CYSTM1: variants seen among roughly 807,000 people sequenced by gnomAD.
The protein encoded by CYSTM1 is cysteine rich transmembrane module containing 1, also known as cysteine-rich transmembrane module-containing protein 1.
A neutral mutation model predicts 13.1 loss-of-function variants in CYSTM1; 4 were observed. The ratio of observed to expected loss-of-function variants is 0.31; its 90% CI spans 0.15 to 0.70. CYSTM1 has a LOEUF of 0.70. Among genes scored for constraint, CYSTM1 ranks in the 30% least tolerant of loss-of-function variants. The pLI, the probability that CYSTM1 is intolerant of heterozygous loss-of-function variation, is 0.72. For synonymous variants in CYSTM1, 36 were observed against 42.7 expected, an observed-to-expected ratio of 0.84 and a Z score of 0.62; for missense variants, 96 against 121.6, an observed-to-expected ratio of 0.79 and a Z score of 0.99.
chr5:140,194,560 G>A lies in CYSTM1; in HGVS notation c.95G>A (p.Gly32Glu). The change falls in exon 2 of 3, where the codon GGG becomes GAG. Residue 32 changes from glycine to glutamate, a missense_variant. Transcript: ENST00000261811. ...CAACCAATGGGTCCAGGACCTATGG[G>A]GGGACCCTACCCACCTCCTCAAGGG... ...PPQPMGPGPMGGPYPPPQGYP... is the reference protein window; with the variant it reads ...PPQPMGPGPMEGPYPPPQGYP... 6.2e-7 allele frequency: 1 copy of A among 1,613,672 alleles called. No individual in the cohort carries two copies. Among genetic ancestry groups the A allele is most frequent in the South Asian group, 1.1e-5 (1 of 91,040 alleles).
intron 2 of CYSTM1, among the ~76,000 whole-genome samples, chr5:140,213,216 C>T (rs983150459): frequency 2.3e-4 from 35 of 150,166 alleles, no homozygotes; most frequent in African/African-American, 7.1e-4. Context: ...CTTCTGTAGA[C>T]GTAGGCTAAT....
Position 140,243,528 on chromosome 5 carries a change from A to G in CYSTM1, c.*117A>G. On this transcript the variant is annotated 3_prime_UTR_variant, in exon 3 of 3. Transcript: ENST00000261811. ...TGACTAGCTTTGCACAGACACCTCT[A>G]CCTTCAGCACTATGGGATTCTAGAT... 2.8e-6 allele frequency: 2 copies of G among 710,776 alleles called. No homozygotes were observed. Among genetic ancestry groups the G allele is most frequent in the Non-Finnish European group, 4.6e-6 (2 of 431,814 alleles). 44.0% of individuals were successfully genotyped at this position (710,776 alleles called of 1,614,324 possible).
At chr5:140,206,685 T>C (rs905072276) in intron 2 of CYSTM1, among the ~76,000 whole-genome samples, 4 of 152,166 alleles carry the variant, frequency 2.6e-5, no homozygotes, top group African/African-American at 9.7e-5. Context: ...GGCTGGAGTA[T>C]AGTGGCATAA....
chr5:140,234,285 C>T (rs547324705), intron 2 of CYSTM1, among the ~76,000 whole-genome samples: 1 of 152,320 alleles, frequency 6.6e-6, no homozygotes, highest in Non-Finnish European at 1.5e-5. Flanking sequence ...TTATTGTCTT[C>T]TTCATTCCAT....
intron 1 of CYSTM1, 75 bp from the exon 2 acceptor site, chr5:140,194,371 C>G (rs1435310229): frequency 7.3e-7 from 1 of 1,366,826 alleles, no homozygotes; most frequent in Non-Finnish European, 9.8e-7. Flanking sequence ...TGTAAATGAT[C>G]TTATGGGTTA....
intron 1 of CYSTM1, among the ~76,000 whole-genome samples, chr5:140,183,623 G>C (rs37354): frequency 0.76 from 115,975 of 152,184 alleles, 44,519 homozygotes; most frequent in African/African-American, 0.82. Flanking sequence ...GCTCCTCCCC[G>C]ATATGGGGGT....
chr5:140,199,755 G>A (rs922572147), intron 2 of CYSTM1, among the ~76,000 whole-genome samples: 23 of 152,196 alleles, frequency 1.5e-4, no homozygotes, highest in African/African-American at 5.3e-4. Flanking sequence ...CCAAAGTGCT[G>A]GGATTACATG....
At chr5:140,241,034 T>G (rs967789271) in intron 2 of CYSTM1, among the ~76,000 whole-genome samples, 9 of 152,210 alleles carry the variant, frequency 5.9e-5, no homozygotes, top group Admixed American at 5.2e-4. Context: ...CACAGCCCTC[T>G]GGTTTGAAGT....
intron 2 of CYSTM1, among the ~76,000 whole-genome samples, chr5:140,213,118 A>C (rs1211734270): frequency 6.6e-6 from 1 of 150,996 alleles, no homozygotes; most frequent in Non-Finnish European, 1.5e-5. Context: ...AAGTCATTAG[A>C]GATGAGCTCC....
At chr5:140,178,220 C>T (rs1253693164) in intron 1 of CYSTM1, among the ~76,000 whole-genome samples, 1 of 152,146 alleles carries the variant, frequency 6.6e-6, no homozygotes, top group Non-Finnish European at 1.5e-5. Flanking sequence ...GAGCAGGGCA[C>T]TCCTTTCTTG....
At chr5:140,189,777 C>T (rs954969339) in intron 1 of CYSTM1, among the ~76,000 whole-genome samples, 6 of 152,146 alleles carry the variant, frequency 3.9e-5, no homozygotes, top group African/African-American at 1.4e-4. Flanking sequence ...GACTTACACA[C>T]TTGTTTCACT....
At chr5:140,202,454 T>A (rs1057145811) in intron 2 of CYSTM1, 1 of 152,200 alleles carries the variant, frequency 6.6e-6, no homozygotes, top group African/African-American at 2.4e-5. Context: ...TATGTTTTGG[T>A]TATCTATTGT....
chr5:140,189,279 T>G (rs1764061220), intron 1 of CYSTM1, among the ~76,000 whole-genome samples: 1 of 152,122 alleles, frequency 6.6e-6, no homozygotes, highest in Admixed American at 6.5e-5. Context: ...ACTCTATTAG[T>G]CAAGTGAGAT....
rs1345886159 is a variant in CYSTM1, at chr5:140,219,821, T to A, written c.188-23484T>A. On this transcript the variant is annotated intron_variant, in intron 2 of 2. Transcript: ENST00000261811. The surrounding 1 kb of genome is among the most constrained non-coding windows in gnomAD (Gnocchi z 4.1). ...CTCCTGGGCCAGCACTCAATGTGAA[T>A]CAGGCTAACATTGACGATAACAGAG... Among the ~76,000 whole-genome samples the A allele has an allele frequency of 2.6e-5, 4 of 152,204 alleles. No homozygotes were observed. The highest frequency in any genetic ancestry group is 5.9e-5 in the Non-Finnish European group (4 of 68,036).
At chr5:140,208,601 A>G (rs1261209448) in intron 2 of CYSTM1, among the ~76,000 whole-genome samples, 4 of 152,246 alleles carry the variant, frequency 2.6e-5, no homozygotes, top group African/African-American at 9.6e-5. Flanking sequence ...TGTTTGTAAC[A>G]CAAAGGATAA....
chr5:140,230,701 T>G lies in CYSTM1; in HGVS notation c.188-12604T>G, dbSNP rs893180342. Among the ~76,000 whole-genome samples the G allele has an allele frequency of 1.3e-5, 2 of 152,234 alleles. No homozygotes were observed. Among genetic ancestry groups the G allele is most frequent in the African/African-American group, 4.8e-5 (2 of 41,462 alleles). ...CTCATAAGCAGAGGCGTTTCAGTGT[T>G]TCAGCAAGTTGTTTCTTGACTGCCA... On this transcript the variant is annotated intron_variant, in intron 2 of 2. Coordinates refer to ENST00000261811, the MANE Select transcript of CYSTM1 (RefSeq NM_032412.4). This position sits in a 1 kb window ranked among gnomAD's most constrained non-coding sequence, Gnocchi z 4.1.
intron 2 of CYSTM1, among the ~76,000 whole-genome samples, chr5:140,213,000 TATATATATATGA>T (rs1276289249): frequency 2.9e-5 from 4 of 136,714 alleles, no homozygotes; most frequent in South Asian, 2.6e-4. Flanking sequence ...TATATATATA[TATATATATATGA>T]GAGAGAGAGA....
At chr5:140,228,948 T>G in intron 2 of CYSTM1, 1 of 396,590 alleles carries the variant, frequency 2.5e-6, no homozygotes, top group Non-Finnish European at 4.4e-6. Flanking sequence ...AACTCACAGA[T>G]TTTTAAATTT....
chr5:140,186,507 C>G (rs1411836284), intron 1 of CYSTM1, among the ~76,000 whole-genome samples: 1 of 152,212 alleles, frequency 6.6e-6, no homozygotes, highest in Non-Finnish European at 1.5e-5. Context: ...GTCATGTGAT[C>G]ATCACTTCTA....
Sources: gnomAD v4.1 joint callset for allele counts (sites outside exome capture counted in the v4.1 genomes callset) on GRCh38, gnomAD v4.1.1 for gene constraint, Gnocchi (gnomAD v3.1) non-coding constraint, MANE v1.5 for transcripts, NCBI Gene and HGNC (gene_info 2026-07-23, HGNC 2026-07-21) for gene names.